ZFP69B: variants seen among roughly 807,000 people sequenced by gnomAD.
The protein encoded by ZFP69B is ZFP69 zinc finger protein B.
A neutral mutation model predicts 19.7 loss-of-function variants in ZFP69B; 20 were observed. The ratio of observed to expected loss-of-function variants is 1.02; its 90% CI spans 0.71 to 1.48. The LOEUF is 1.48. ZFP69B is among the 40% of genes most tolerant of loss of function. ZFP69B has a pLI of 0.00. For synonymous variants in ZFP69B, 220 were observed against 222.7 expected (o/e 0.99, Z 0.11); for missense variants, 583 against 632.6 (o/e 0.92, Z 0.84).
chr1:40,458,111 G>A (rs1008961401), intron 4 of ZFP69B, among the ~76,000 whole-genome samples: 3 of 152,174 alleles, frequency 2.0e-5, no homozygotes, highest in Non-Finnish European at 4.4e-5. Context: ...TCTTACACAT[G>A]AGGAAAAGGA....
At position 40,463,280 on chromosome 1, in the gene ZFP69B, A is replaced by G. The variant is rs760638319; in HGVS notation, c.1296A>G (p.Thr432=). The G allele has an allele frequency of 1.3e-5, 21 of 1,614,034 alleles. No homozygotes were observed. In the East Asian group the frequency reaches 2.0e-4, roughly 15 times the overall value. Residue 432 remains threonine, a synonymous_variant, in exon 5 of 5, where the codon ACA becomes ACG. Transcript: ENST00000361584. ...NVCSKTFSHS[T]YLTQHQRTHT... ...GTAGTAAAACCTTCAGCCATAGTAC[A>G]TACCTAACTCAACACCAGAGAACTC...
chr1:40,453,837 C>T (rs1018609054), intron 1 of ZFP69B, among the ~76,000 whole-genome samples: 3 of 151,094 alleles, frequency 2.0e-5, no homozygotes. Flanking sequence ...ATGCCACTGC[C>T]CTCCAACCTG....
At chr1:40,458,585 C>T (rs1036354727) in intron 4 of ZFP69B, among the ~76,000 whole-genome samples, 11 of 151,048 alleles carry the variant, frequency 7.3e-5, no homozygotes, top group Admixed American at 5.3e-4. Context: ...GGTGCAGTCT[C>T]GGCTTACTGC....
upstream of ZFP69B, among the ~76,000 whole-genome samples, chr1:40,450,335 A>G (rs191897357): frequency 9.6e-3 from 1,469 of 152,258 alleles, 20 homozygotes; most frequent in African/African-American, 0.034. Context: ...CTTTGTGGGG[A>G]GGACTTAGCC....
rs1249583882 is a variant in ZFP69B at position 40,462,573 on chromosome 1, A to G, written c.589A>G (p.Ser197Gly). 4.3e-6 allele frequency: 7 copies of G among 1,614,028 alleles called. No individual in the cohort carries two copies. Among genetic ancestry groups the G allele is most frequent in the Non-Finnish European group, 4.2e-6 (5 of 1,180,022 alleles). The change falls in exon 5 of 5, where the codon AGC becomes GGC. Residue 197 changes from serine to glycine, a missense_variant. Coordinates refer to ENST00000361584, the MANE Select transcript of ZFP69B (RefSeq NM_023070.3). ...GRISKCNKLE[S>G]QQENQRMGKG... ...AATCTCCAAATGTAATAAGCTAGAAAGCCAACAAGAGAACCAAAGAATGGG... is the reference window on the plus strand; with the variant it reads ...AATCTCCAAATGTAATAAGCTAGAAGGCCAACAAGAGAACCAAAGAATGGG...
intron 1 of ZFP69B, among the ~76,000 whole-genome samples, chr1:40,452,442 A>T (rs1569967718): frequency 1.3e-5 from 2 of 152,244 alleles, no homozygotes; most frequent in Admixed American, 6.5e-5. Flanking sequence ...TTAAGTTTAA[A>T]GACTGAACTG....
At chr1:40,455,259 T>C (rs922878716) in intron 2 of ZFP69B, among the ~76,000 whole-genome samples, 1 of 152,084 alleles carries the variant, frequency 6.6e-6, no homozygotes, top group Non-Finnish European at 1.5e-5. Context: ...CCCAGAGGCA[T>C]AGGGAAACTC....
rs185591876 is a variant in ZFP69B at position 40,450,995 on chromosome 1, G to A, written c.34G>A (p.Glu12Lys). ...LQQLLITLPTEASTWVKLRHP... is the reference protein window; with the variant it reads ...LQQLLITLPTKASTWVKLRHP... ...GCAGCTCCTGATCACCCTGCCCACCGAGGCCAGCACCTGGGTGAAGTTGCG... is the reference window on the plus strand; with the variant it reads ...GCAGCTCCTGATCACCCTGCCCACCAAGGCCAGCACCTGGGTGAAGTTGCG... The change falls in exon 1 of 5, where the codon GAG becomes AAG. Residue 12 changes from glutamate to lysine, a missense_variant. Coordinates refer to ENST00000361584, the MANE Select transcript of ZFP69B (RefSeq NM_023070.3). 10 of 1,551,582 alleles carry A rather than the reference G, an allele frequency of 6.4e-6. No homozygotes were observed. The East Asian group carries it at 1.2e-4, about 19-fold the overall frequency.
intron 2 of ZFP69B, among the ~76,000 whole-genome samples, chr1:40,454,972 T>C (rs1005619083): frequency 2.0e-5 from 3 of 152,184 alleles, no homozygotes; most frequent in African/African-American, 7.2e-5. Flanking sequence ...TTAAGCAACA[T>C]TTAAAAGTCA....
chr1:40,460,494 G>C (rs1350289811), intron 4 of ZFP69B, among the ~76,000 whole-genome samples: 1 of 152,080 alleles, frequency 6.6e-6, no homozygotes, highest in Admixed American at 6.5e-5. Flanking sequence ...TTAAATTTTT[G>C]TTAAATAAAG....
chr1:40,452,523 C>G (rs559065490), intron 1 of ZFP69B, among the ~76,000 whole-genome samples: 1 of 152,256 alleles, frequency 6.6e-6, no homozygotes, highest in African/African-American at 2.4e-5. Context: ...TCAGACTGTT[C>G]TTGTATCTTA....
Position 40,452,528 on chromosome 1 carries a change from A to G in ZFP69B, c.127+1440A>G, listed in dbSNP as rs953079309. On this transcript the variant is annotated intron_variant, in intron 1 of 4. Coordinates refer to ENST00000361584, the MANE Select transcript of ZFP69B (RefSeq NM_023070.3). ...GAGGATACAGTCAGACTGTTCTTGTATCTTAAAAAGACAACATCATGAAGA... is the reference window on the plus strand; with the variant it reads ...GAGGATACAGTCAGACTGTTCTTGTGTCTTAAAAAGACAACATCATGAAGA... Among the ~76,000 whole-genome samples the G allele has an allele frequency of 4.6e-5, 7 of 152,344 alleles. No homozygotes were observed. In the South Asian group the frequency reaches 1.2e-3, roughly 27 times the overall value.
At chr1:40,451,956 C>A (rs1355066140) in intron 1 of ZFP69B, among the ~76,000 whole-genome samples, 2 of 151,934 alleles carry the variant, frequency 1.3e-5, no homozygotes, top group Non-Finnish European at 2.9e-5. Context: ...GAAACCCCAT[C>A]TCTGCTAAAA....
chr1:40,450,991 C>A lies in ZFP69B; in HGVS notation c.30C>A (p.Pro10=), dbSNP rs753271765. Residue 10 remains proline, a synonymous_variant, in exon 1 of 5, where the codon CCC becomes CCA. Coordinates refer to ENST00000361584, the MANE Select transcript of ZFP69B (RefSeq NM_023070.3). The stretch of plus-strand genomic sequence containing the variant: ...TGCAGCAGCTCCTGATCACCCTGCC[C>A]ACCGAGGCCAGCACCTGGGTGAAGT... MLQQLLITL[P]TEASTWVKLR... The A allele has an allele frequency of 9.0e-6, 14 of 1,551,350 alleles. No homozygotes were observed. Among genetic ancestry groups the A allele is most frequent in the Non-Finnish European group, 1.2e-5 (14 of 1,146,994 alleles).
chr1:40,453,158 A>G (rs915101947), intron 1 of ZFP69B, among the ~76,000 whole-genome samples: 1 of 151,914 alleles, frequency 6.6e-6, no homozygotes, highest in Non-Finnish European at 1.5e-5. Flanking sequence ...ACGGTGTTTT[A>G]CTATCTTGGC....
At position 40,456,928 on chromosome 1, in the gene ZFP69B, C is replaced by T. The variant is rs1227228006; in HGVS notation, c.214-17C>T. 6.8e-6 allele frequency: 11 copies of T among 1,607,186 alleles called. No individual in the cohort carries two copies. The highest frequency in any genetic ancestry group is 2.2e-5 in the East Asian group (1 of 44,704). On this transcript the variant is annotated splice_polypyrimidine_tract_variant and intron_variant, in intron 2 of 4. Coordinates refer to ENST00000361584, the MANE Select transcript of ZFP69B (RefSeq NM_023070.3). ...TTCCCAAAGTCTGGCTGAAAAGGAACGTATTTGATGTTCTAGGAACTGTTA... is the reference window on the plus strand; with the variant it reads ...TTCCCAAAGTCTGGCTGAAAAGGAATGTATTTGATGTTCTAGGAACTGTTA...
upstream of ZFP69B, among the ~76,000 whole-genome samples, chr1:40,450,355 G>A (rs1235891665): frequency 6.6e-6 from 1 of 152,218 alleles, no homozygotes; most frequent in African/African-American, 2.4e-5. Flanking sequence ...CTCTCATTTG[G>A]GGAGGAGGAG....
Position 40,450,915 on chromosome 1 carries a change from C to T in ZFP69B, c.-47C>T. The T allele has an allele frequency of 6.7e-7, 1 of 1,488,782 alleles. No homozygotes were observed. Among genetic ancestry groups the T allele is most frequent in the South Asian group, 1.3e-5 (1 of 76,900 alleles). 92.2% of individuals were successfully genotyped at this position (1,488,782 alleles called of 1,614,324 possible). On this transcript the variant is annotated 5_prime_UTR_variant, in exon 1 of 5. Coordinates refer to ENST00000361584, the MANE Select transcript of ZFP69B (RefSeq NM_023070.3). Reference sequence around the variant, plus strand: ...TTTCCTCATCAGAGGTGGACAAGCCCTATGGGCTAAGACAGAGGGTCCTCA... The same window carrying T: ...TTTCCTCATCAGAGGTGGACAAGCCTTATGGGCTAAGACAGAGGGTCCTCA...
rs1645309542 is a variant in ZFP69B, at chr1:40,463,279, C to T, written c.1295C>T (p.Thr432Ile). The change falls in exon 5 of 5, where the codon ACA becomes ATA. Residue 432 changes from threonine to isoleucine, a missense_variant. Thr to Ile is a moderately conservative substitution (Grantham distance 89). Transcript: ENST00000361584. ...TGTAGTAAAACCTTCAGCCATAGTA[C>T]ATACCTAACTCAACACCAGAGAACT... Reference protein sequence around the residue: ...NVCSKTFSHSTYLTQHQRTHT... With the variant: ...NVCSKTFSHSIYLTQHQRTHT... 1.2e-6 allele frequency: 2 copies of T among 1,614,112 alleles called. No individual in the cohort carries two copies. The highest frequency in any genetic ancestry group is 1.7e-6 in the Non-Finnish European group (2 of 1,180,014).
Sources: gnomAD v4.1 joint callset for allele counts (sites outside exome capture counted in the v4.1 genomes callset) on GRCh38, gnomAD v4.1.1 for gene constraint, MANE v1.5 for transcripts, NCBI Gene and HGNC (gene_info 2026-07-23, HGNC 2026-07-21) for gene names.